Variants in FAP observed in about 807,000 individuals in gnomAD.
The protein encoded by FAP is fibroblast activation protein alpha, also known as prolyl endopeptidase FAP.
Under a neutral mutation model 126.5 loss-of-function variants are expected in FAP, and 110 were observed. The ratio of observed to expected loss-of-function variants is 0.87; its 90% confidence interval spans 0.74 to 1.02. FAP has a LOEUF of 1.02. Ranked by LOEUF, FAP falls within the 50% of genes least tolerant of loss-of-function variation. The pLI, the probability that FAP is intolerant of heterozygous loss-of-function variation, is 0.00. For synonymous variants in FAP, 334 were observed against 297.3 expected, an observed-to-expected ratio of 1.12 and a Z score of -1.27; for missense variants, 919 against 909.2, an observed-to-expected ratio of 1.01 and a Z score of -0.14.
At chr2:162,186,580 G>A (rs1687874823) in intron 20 of FAP, among the ~76,000 whole-genome samples, 1 of 152,074 alleles carries the variant, frequency 6.6e-6, no homozygotes. Context: ...GGGTTGCGAT[G>A]ATGACGATGA....
chr2:162,173,443 G>T (rs561496591), intron 23 of FAP, among the ~76,000 whole-genome samples: 1 of 151,962 alleles, frequency 6.6e-6, no homozygotes, highest in Non-Finnish European at 1.5e-5. Context: ...TGTTACATAT[G>T]AGTGAGACCT....
rs753379094 is a variant in FAP, at chr2:162,224,510, A to T, written c.316T>A (p.Ser106Thr). 1 of 1,600,656 alleles carries T rather than the reference A, an allele frequency of 6.2e-7. No individual in the cohort carries two copies. The highest frequency in any genetic ancestry group is 1.1e-5 in the South Asian group (1 of 88,258). The change falls in exon 5 of 26, where the codon TCA becomes ACA. Residue 106 changes from serine (S) to threonine (T), a missense_variant. Transcript: ENST00000188790. ...AGATATACAAATTGCCGATCAGGTGATAAGCCGTAATTTGAAGCATTCACA... is the reference window on the plus strand; with the variant it reads ...AGATATACAAATTGCCGATCAGGTGTTAAGCCGTAATTTGAAGCATTCACA... ...KSVNASNYGL[S>T]PDRQFVYLES...
chr2:162,225,093 C>A (rs757157910), intron 4 of FAP, among the ~76,000 whole-genome samples: 4 of 152,038 alleles, frequency 2.6e-5, no homozygotes, highest in Non-Finnish European at 5.9e-5. Context: ...TTTTATTAAC[C>A]AAAAGAGGCA....
chr2:162,232,634 T>A (rs1325135095), intron 2 of FAP, among the ~76,000 whole-genome samples: 21 of 152,198 alleles, frequency 1.4e-4, no homozygotes, highest in Middle Eastern at 3.2e-3. Context: ...ATGTCTCAGC[T>A]CTAACAGCAA....
chr2:162,195,965 A>G (rs1163595914), intron 16 of FAP, among the ~76,000 whole-genome samples: 1 of 152,036 alleles, frequency 6.6e-6, no homozygotes, highest in Non-Finnish European at 1.5e-5. Context: ...TTTTTTGTAG[A>G]GTTCTGAGAA....
intron 17 of FAP, among the ~76,000 whole-genome samples, chr2:162,191,630 TCTTATA>T (rs1576149124): frequency 6.6e-6 from 1 of 152,114 alleles, no homozygotes; most frequent in Non-Finnish European, 1.5e-5. Context: ...CAATGATGGA[TCTTATA>T]CTTGATTTCT....
At position 162,170,966 on chromosome 2, in the gene FAP, A is replaced by C. The variant is rs774339831; in HGVS notation, c.*13T>G. 6.3e-7 allele frequency: 1 copy of C among 1,597,818 alleles called. No individual in the cohort carries two copies. The highest frequency in any genetic ancestry group is 1.1e-5 in the South Asian group (1 of 90,668). On this transcript the variant is annotated 3_prime_UTR_variant, in exon 26 of 26. Transcript: ENST00000188790. ...TTTTCAGATTCTGATACAGGCTTGC[A>C]TCTGCATCGTTTTTAGTCTGACAAA...
At chr2:162,179,725 T>C (rs551674714) in intron 21 of FAP, among the ~76,000 whole-genome samples, 9 of 151,134 alleles carry the variant, frequency 6.0e-5, no homozygotes, top group Non-Finnish European at 1.0e-4. Context: ...ATGCGAGAAA[T>C]AGCATGTACA....
chr2:162,237,976 G>A (rs1690204359), intron 2 of FAP, among the ~76,000 whole-genome samples: 1 of 151,746 alleles, frequency 6.6e-6, no homozygotes, highest in Admixed American at 6.6e-5. Flanking sequence ...TCATAAGTTT[G>A]TTGGTTGCAT....
chr2:162,242,735 A>C (rs1690401519), intron 2 of FAP, among the ~76,000 whole-genome samples, 173 bp downstream of exon 2: 2 of 152,176 alleles, frequency 1.3e-5, no homozygotes, highest in Admixed American at 6.6e-5. Context: ...TAAATTCCTC[A>C]GTATTTCTGG....
chr2:162,181,221 G>A (rs1445329604), intron 21 of FAP, among the ~76,000 whole-genome samples: 2 of 151,866 alleles, frequency 1.3e-5, no homozygotes, highest in Non-Finnish European at 2.9e-5. Context: ...AGGTTGCAGT[G>A]AGCCGAGATC....
At chr2:162,198,691 T>C in intron 16 of FAP, 66 bp downstream of exon 16, 3 of 1,573,064 alleles carry the variant, frequency 1.9e-6, no homozygotes, top group Non-Finnish European at 2.6e-6. Flanking sequence ...ATTGATCAGA[T>C]AGAGGTGAGG....
intron 15 of FAP, 134 bp downstream of exon 15, chr2:162,200,432 T>A (rs567469833): frequency 1.7e-6 from 1 of 583,746 alleles, no homozygotes; most frequent in South Asian, 2.1e-5. Flanking sequence ...ATTCTCCAAA[T>A]GTTTTCTCTA....
At position 162,209,971 on chromosome 2, in the gene FAP, C is replaced by G. The variant is rs867329635; in HGVS notation, c.1028G>C (p.Arg343Thr). Residue 343 changes from arginine (R) to threonine (T), a missense_variant, in exon 12 of 26, where the codon AGA becomes ACA. Physicochemically the swap from Arg to Thr is moderately conservative, Grantham distance 71 (BLOSUM62 -1). Transcript: ENST00000188790. ...PKTQEHIEES[R>T]TGWAGGFFVS... is the part of the protein sequence containing the mutation. ...TCATACTCCACCAGCCCATCCAGTT[C>G]TGCTTTCTTCTATATGCTCCTGGGT... 2 of 1,613,018 alleles carry G rather than the reference C, an allele frequency of 1.2e-6. No homozygotes were observed. Among genetic ancestry groups the G allele is most frequent in the Non-Finnish European group, 1.7e-6 (2 of 1,179,532 alleles).
intron 15 of FAP, 59 bp downstream of exon 15, chr2:162,200,507 G>T: frequency 2.1e-6 from 2 of 943,210 alleles, no homozygotes; most frequent in South Asian, 2.9e-5. Context: ...TGGGGATGAT[G>T]ACTTTTTATA....
chr2:162,216,051 A>T, intron 9 of FAP, 50 bp from the exon 10 acceptor site: 1 of 1,331,068 alleles, frequency 7.5e-7, no homozygotes. Context: ...AATTATCACC[A>T]ACATTTTAAA....
intron 8 of FAP, among the ~76,000 whole-genome samples, chr2:162,218,517 C>T (rs1689247734): frequency 6.6e-6 from 1 of 151,698 alleles, no homozygotes; most frequent in East Asian, 1.9e-4. Context: ...TTGAAAGTTA[C>T]ATTTCCCTCC....
At chr2:162,198,031 C>T in intron 16 of FAP, 1 of 572,426 alleles carries the variant, frequency 1.7e-6, no homozygotes, top group South Asian at 2.0e-5. Context: ...TTGTTTGCCA[C>T]ATGCTCAAGA....
At chr2:162,185,661 C>G (rs545838332) in intron 20 of FAP, among the ~76,000 whole-genome samples, 2 of 152,160 alleles carry the variant, frequency 1.3e-5, no homozygotes, top group South Asian at 2.1e-4. Flanking sequence ...GTAGTATTTA[C>G]TGTTGTTTCC....
Sources: gnomAD v4.1 joint callset for allele counts (sites outside exome capture counted in the v4.1 genomes callset) on GRCh38, gnomAD v4.1.1 for gene constraint, MANE v1.5 for transcripts, NCBI Gene and HGNC (gene_info 2026-07-23, HGNC 2026-07-21) for gene names.